ZSCAN5B: variants seen among roughly 807,000 people sequenced by gnomAD.
ZSCAN5B encodes the protein zinc finger and SCAN domain containing 5B, also known as zinc finger and SCAN domain-containing protein 5B.
Under a neutral mutation model 25.2 loss-of-function variants are expected in ZSCAN5B, and 26 were observed. The observed-to-expected ratio is 1.03, with a 90% confidence interval of 0.76 to 1.43. The LOEUF is 1.43. Ranked by LOEUF, ZSCAN5B falls within the 40% of genes most tolerant of loss-of-function variation. The pLI, the probability that ZSCAN5B is intolerant of heterozygous loss-of-function variation, is 0.00. For synonymous variants in ZSCAN5B, 244 were observed against 240.9 expected (o/e 1.01, Z -0.12); for missense variants, 745 against 622.1 (o/e 1.20, Z -2.10).
At chr19:56,197,862 C>G (rs531024136) in exon 1 of ZSCAN5B, 1 of 985,050 alleles carries the variant, frequency 1.0e-6, no homozygotes, top group African/African-American at 1.7e-5. Flanking sequence ...TGCGCCGCGC[C>G]GTGATTGGTT....
At chr19:56,190,445 A>G in exon 5 of ZSCAN5B, 1 of 1,614,064 alleles carries the variant, frequency 6.2e-7, no homozygotes, top group Non-Finnish European at 8.5e-7. Flanking sequence ...TCAGATTCAG[A>G]GCATCTCCTC....
At chr19:56,190,199 G>A in exon 5 of ZSCAN5B, 1 of 1,614,092 alleles carries the variant, frequency 6.2e-7, no homozygotes, top group Non-Finnish European at 8.5e-7. Context: ...ACCTCCTGTG[G>A]ATGCTTAGCT....
rs570154006 is a variant in ZSCAN5B at position 56,196,444 on chromosome 19, A to C, written c.-128+1290T>G. 1.4e-4 allele frequency among the ~76,000 whole-genome samples: 21 copies of C among 152,324 alleles called. 1 individual carries two copies. The South Asian group carries it at 2.5e-3, about 18-fold the overall frequency. The stretch of plus-strand genomic sequence containing the variant: ...TATAGTTCACAGCAATGTACCGTAT[A>C]CTTGGAAATTGCTAAGGGAGTCGAT... On this transcript the variant is annotated intron_variant, in intron 1 of 4. Coordinates refer to ENST00000586855, the Ensembl canonical transcript of ZSCAN5B.
At chr19:56,193,119 C>T in exon 2 of ZSCAN5B, 7 of 1,442,536 alleles carry the variant, frequency 4.9e-6, no homozygotes, top group Non-Finnish European at 6.4e-6. Flanking sequence ...CAAATTGAGA[C>T]CTATTTACAC....
rs769667246 is a variant in ZSCAN5B at position 56,191,958 on chromosome 19, G to A, written c.480C>T (p.Asp160=). ...CAGAGGAGGCCCACTGGCTGGACAC[G>A]TCTCTCGGATCATCTCTGACACTGG... Residue 160 remains aspartate (D), a synonymous_variant, in exon 3 of 5, where the codon GAC becomes GAT. Transcript: ENST00000586855. 1.3e-5 allele frequency: 21 copies of A among 1,613,972 alleles called. 1 individual carries two copies. Among genetic ancestry groups the A allele is most frequent in the Middle Eastern group, 1.6e-4 (1 of 6,062 alleles).
chr19:56,190,466 G>T, exon 5 of ZSCAN5B: 1 of 1,614,080 alleles, frequency 6.2e-7, no homozygotes, highest in Non-Finnish European at 8.5e-7. Flanking sequence ...TGTTCCCGCT[G>T]TGAGTCAAAG....
intron 1 of ZSCAN5B, among the ~76,000 whole-genome samples, 156 bp downstream of exon 1, chr19:56,197,578 G>C (rs928535964): frequency 1.3e-5 from 2 of 151,940 alleles, no homozygotes; most frequent in Non-Finnish European, 2.9e-5. Flanking sequence ...GCACTTCATC[G>C]CCAGTCAGAG....
exon 5 of ZSCAN5B, chr19:56,190,336 C>G (rs981650137): frequency 1.2e-6 from 2 of 1,614,042 alleles, no homozygotes; most frequent in African/African-American, 2.7e-5. Flanking sequence ...TTGATCTCAG[C>G]TTGTCCTGGG....
intron 1 of ZSCAN5B, among the ~76,000 whole-genome samples, chr19:56,194,270 G>A (rs2032778845): frequency 6.6e-6 from 1 of 152,038 alleles, no homozygotes; most frequent in Non-Finnish European, 1.5e-5. Flanking sequence ...AAATTTCCAG[G>A]TAGTGGGATC....
At chr19:56,197,844 C>A in exon 1 of ZSCAN5B, 1 of 985,326 alleles carries the variant, frequency 1.0e-6, no homozygotes, top group Non-Finnish European at 1.2e-6. Context: ...GCCGCGTTTC[C>A]GGTTCCCTGC....
At chr19:56,193,626 C>T (rs747433650) in intron 1 of ZSCAN5B, among the ~76,000 whole-genome samples, 1 of 152,174 alleles carries the variant, frequency 6.6e-6, no homozygotes, top group African/African-American at 2.4e-5. Flanking sequence ...TTCCTGTTAA[C>T]CCCAGGATAT....
chr19:56,190,113 T>C, exon 5 of ZSCAN5B: 1 of 1,614,018 alleles, frequency 6.2e-7, no homozygotes, highest in South Asian at 1.1e-5. Flanking sequence ...GACTCGCTGG[T>C]GAACTCGGAG....
chr19:56,194,889 C>T (rs2122205768), intron 1 of ZSCAN5B, among the ~76,000 whole-genome samples: 1 of 152,302 alleles, frequency 6.6e-6, no homozygotes. Flanking sequence ...AGGCGTGAGC[C>T]ATCGCGCACA....
At chr19:56,196,097 G>C (rs995239146) in intron 1 of ZSCAN5B, among the ~76,000 whole-genome samples, 1 of 152,070 alleles carries the variant, frequency 6.6e-6, no homozygotes, top group Non-Finnish European at 1.5e-5. Context: ...CTATCCCCCA[G>C]GCTGCAGTGC....
chr19:56,191,943 C>T lies in ZSCAN5B; in HGVS notation c.495G>A (p.Trp165Ter), dbSNP rs778908799. The change falls in exon 3 of 5, where the codon TGG becomes TGA. Residue 165 changes from tryptophan (W) to a stop codon, truncating the protein, a stop_gained. Transcript: ENST00000586855. LOFTEE classifies it high-confidence loss of function. ...GATGCATCTGGTTCACAGAGGAGGC[C>T]CACTGGCTGGACACGTCTCTCGGAT... 2.5e-6 allele frequency: 4 copies of T among 1,614,104 alleles called. No homozygotes were observed. The South Asian group carries it at 4.4e-5, about 18-fold the overall frequency.
In ZSCAN5B at chr19:56,190,734, T is replaced by C. The variant is rs189047153; in HGVS notation, c.739+103A>G. 572 of 1,543,750 alleles carry C rather than the reference T, an allele frequency of 3.7e-4. 3 individuals carry two copies. In the African/African-American group the frequency reaches 6.7e-3, roughly 18 times the overall value. On this transcript the variant is annotated intron_variant, in intron 4 of 4. Coordinates refer to ENST00000586855, the Ensembl canonical transcript of ZSCAN5B. Reference sequence around the variant, plus strand: ...TCTCTGGAAAGTGGAGGAGAGATTTTGGCAGCTGATCGCCAGCCCCAGGGG... The same window carrying C: ...TCTCTGGAAAGTGGAGGAGAGATTTCGGCAGCTGATCGCCAGCCCCAGGGG...
At position 56,193,428 on chromosome 19, in the gene ZSCAN5B, C is replaced by T. The variant is rs537789061; in HGVS notation, c.-127-249G>A. ...CTGGTTTTCCTTTCAACTGGAACAA[C>T]ACTGCTCTTGACTGTAAATTAAATC... On this transcript the variant is annotated intron_variant, in intron 1 of 4. Transcript: ENST00000586855. 5.8e-4 allele frequency among the ~76,000 whole-genome samples: 88 copies of T among 152,322 alleles called. No individual in the cohort carries two copies. The Middle Eastern group carries it at 0.014, about 24-fold the overall frequency.
rs1034902039 is a variant in ZSCAN5B at position 56,189,937 on chromosome 19, T to C, written c.1378A>G (p.Thr460Ala). ...TTGTAGGGCTTCTCTCCGGAGTGGG[T>C]GCGCTGGTGAACGTTCAGGTTCCCC... The change falls in exon 5 of 5, where the codon ACC (threonine) becomes GCC (alanine). Residue 460 changes from threonine (T) to alanine (A), a missense_variant. Physicochemically the swap from Thr to Ala is moderately conservative, Grantham distance 58. Transcript: ENST00000586855. 16 of 1,613,896 alleles carry C rather than the reference T, an allele frequency of 9.9e-6. No individual in the cohort carries two copies. The highest frequency in any genetic ancestry group is 1.3e-5 in the Non-Finnish European group (15 of 1,179,936).
At chr19:56,196,464 G>T (rs1356820392) in intron 1 of ZSCAN5B, among the ~76,000 whole-genome samples, 1 of 151,942 alleles carries the variant, frequency 6.6e-6, no homozygotes, top group Non-Finnish European at 1.5e-5. Flanking sequence ...TGCTAAGGGA[G>T]TCGATTTCAA....
Sources: gnomAD v4.1 joint callset for allele counts (sites outside exome capture counted in the v4.1 genomes callset) on GRCh38, gnomAD v4.1.1 for gene constraint, MANE v1.5 for transcripts, NCBI Gene and HGNC (gene_info 2026-07-23, HGNC 2026-07-21) for gene names.